Variants in CALN1 observed in about 807,000 individuals in gnomAD.
CALN1 encodes the protein calcium-binding protein 8.
Under a neutral mutation model 30.6 loss-of-function variants are expected in CALN1, and 17 were observed. The ratio of observed to expected loss-of-function variants is 0.56; its 90% CI spans 0.38 to 0.83. The LOEUF is 0.83. CALN1 is among the 40% of genes least tolerant of loss of function. The pLI is 0.00. For missense variants in CALN1, 291 were observed against 354.9 expected (o/e 0.82, Z 1.45); for synonymous variants, 156 against 131.4 (o/e 1.19, Z -1.28).
At position 72,294,535 on chromosome 7, in the gene CALN1, A is replaced by G. The variant is rs372802297; in HGVS notation, c.120-15725T>C. On this transcript the variant is annotated intron_variant, in intron 2 of 6. Transcript: ENST00000395275. ...GAGGTTGAGACAGGAGGATAACTTG[A>G]GGCCAGGAGTTTGAGACCAGCCTGG... 1.2e-4 allele frequency among the ~76,000 whole-genome samples: 19 copies of G among 152,168 alleles called. No homozygotes were observed. The East Asian group carries it at 2.3e-3, about 19-fold the overall frequency.
In CALN1 at chr7:71,789,698, G is replaced by A. The variant is rs190159635; in HGVS notation, c.659-1796C>T. Reference sequence around the variant, plus strand: ...GGGGTTTCGTTCTCTTAATCTTTCTGTTGTGCCAGGTCTTGCACTTTCATT... The same window carrying A: ...GGGGTTTCGTTCTCTTAATCTTTCTATTGTGCCAGGTCTTGCACTTTCATT... On this transcript the variant is annotated intron_variant, in intron 6 of 6. Coordinates refer to ENST00000395275, the MANE Select transcript of CALN1 (RefSeq NM_031468.4). Among the ~76,000 whole-genome samples the A allele has an allele frequency of 3.5e-4, 54 of 152,290 alleles. No homozygotes were observed. The East Asian group carries it at 9.5e-3, about 27-fold the overall frequency.
chr7:72,111,627 T>A (rs1433314850), intron 3 of CALN1, among the ~76,000 whole-genome samples: 1 of 152,130 alleles, frequency 6.6e-6, no homozygotes. Context: ...TTTTCATTTT[T>A]TGTAGAAACA....
chr7:72,000,903 G>A (rs1799495636), intron 5 of CALN1, among the ~76,000 whole-genome samples: 1 of 152,188 alleles, frequency 6.6e-6, no homozygotes, highest in Non-Finnish European at 1.5e-5. Context: ...CTCTCGACCA[G>A]GAATGTCAGA....
At chr7:72,434,071 A>G (rs1018978056) in intron 1 of CALN1, among the ~76,000 whole-genome samples, 1 of 151,846 alleles carries the variant, frequency 6.6e-6, no homozygotes. Context: ...GAAAGAAAAA[A>G]AAAAAACTGC....
intron 4 of CALN1, among the ~76,000 whole-genome samples, chr7:72,096,053 A>AT (rs1806200463): frequency 6.6e-6 from 1 of 150,746 alleles, no homozygotes; most frequent in Non-Finnish European, 1.5e-5. Context: ...AGATAGATAG[A>AT]TAGATAGATA....
At chr7:72,499,765 CTT>C in the CALN1 span, among the ~76,000 whole-genome samples, 1 of 135,138 alleles carries the variant, frequency 7.4e-6, no homozygotes, top group Non-Finnish European at 1.5e-5. Context: ...TTCCGCAAAA[CTT>C]TCTTTCTTTC....
chr7:72,307,797 C>A (rs79513605), intron 2 of CALN1, among the ~76,000 whole-genome samples: 4,812 of 152,022 alleles, frequency 0.032, 248 homozygotes, highest in African/African-American at 0.11. Flanking sequence ...ATCATCCCAA[C>A]AGCCGGGCAG....
intron 2 of CALN1, chr7:72,337,250 G>C: frequency 1.0e-6 from 1 of 985,194 alleles, no homozygotes; most frequent in Non-Finnish European, 1.2e-6. Context: ...CGCTCTGCCG[G>C]CGCCCGCGTT....
intron 5 of CALN1, among the ~76,000 whole-genome samples, chr7:71,928,778 T>C (rs866955582): frequency 7.9e-5 from 12 of 152,046 alleles, no homozygotes; most frequent in East Asian, 3.9e-4. Context: ...ATGCCTATAA[T>C]ATCACCATTT....
chr7:72,203,979 CTTTTTTTTTTTTTTTT>C (rs869149598), intron 3 of CALN1, among the ~76,000 whole-genome samples: 10 of 83,778 alleles, frequency 1.2e-4, no homozygotes, highest in South Asian at 4.7e-4. Context: ...AGGCCTCTCT[CTTTTTTTTTTTTTTTT>C]TTTTTTTTTT....
chr7:71,900,292 G>A (rs1044000775), intron 5 of CALN1, among the ~76,000 whole-genome samples: 1 of 152,104 alleles, frequency 6.6e-6, no homozygotes, highest in South Asian at 2.1e-4. Flanking sequence ...CTATTCAAGA[G>A]GGTACTGGAA....
intron 2 of CALN1, among the ~76,000 whole-genome samples, chr7:72,308,061 C>T (rs894790432): frequency 5.9e-5 from 9 of 152,154 alleles, no homozygotes; most frequent in African/African-American, 1.7e-4. Flanking sequence ...ATAAACAAAA[C>T]GACAGAAATC....
the CALN1 span, among the ~76,000 whole-genome samples, chr7:72,504,062 C>T: frequency 4.6e-5 from 7 of 152,208 alleles, no homozygotes; most frequent in Non-Finnish European, 8.8e-5. Flanking sequence ...ACAAACTGCT[C>T]TATCCCGACT....
At chr7:72,343,806 C>T (rs1802490947) in intron 2 of CALN1, among the ~76,000 whole-genome samples, 1 of 152,156 alleles carries the variant, frequency 6.6e-6, no homozygotes, top group African/African-American at 2.4e-5. Context: ...GAAAGGACTA[C>T]TGTTTCTCAT....
chr7:72,454,757 C>T, the CALN1 span, among the ~76,000 whole-genome samples: 16 of 152,182 alleles, frequency 1.1e-4, no homozygotes, highest in African/African-American at 3.6e-4. Flanking sequence ...CTTAGAAATA[C>T]GGCCCTCAGC....
intron 3 of CALN1, among the ~76,000 whole-genome samples, chr7:72,115,577 C>T (rs1252924567): frequency 2.1e-5 from 3 of 141,890 alleles, no homozygotes; most frequent in East Asian, 4.5e-4. Context: ...CAACCTCCAT[C>T]TCCTGGGTCC....
chr7:72,406,378 G>C (rs191263426), intron 1 of CALN1, among the ~76,000 whole-genome samples: 71 of 152,220 alleles, frequency 4.7e-4, no homozygotes, highest in Non-Finnish European at 8.8e-4. Context: ...TGCATCTTGG[G>C]ACCCAAGGTG....
chr7:72,329,645 A>T (rs1272158798), intron 2 of CALN1, among the ~76,000 whole-genome samples: 1 of 152,172 alleles, frequency 6.6e-6, no homozygotes, highest in Admixed American at 6.5e-5. Context: ...ATCAGCCTAA[A>T]TAGAGCTCAT....
At chr7:72,394,818 C>A (rs1805808659) in intron 2 of CALN1, among the ~76,000 whole-genome samples, 1 of 151,804 alleles carries the variant, frequency 6.6e-6, no homozygotes, top group African/African-American at 2.4e-5. Flanking sequence ...TACCAACATG[C>A]CCGTTTTATT....
Sources: gnomAD v4.1 joint callset for allele counts (sites outside exome capture counted in the v4.1 genomes callset) on GRCh38, gnomAD v4.1.1 for gene constraint, MANE v1.5 for transcripts, NCBI Gene and HGNC (gene_info 2026-07-23, HGNC 2026-07-21) for gene names.